NELL2: variants seen among roughly 807,000 people sequenced by gnomAD.
NELL2 encodes neural EGFL like 2, also known as protein kinase C-binding protein NELL2.
Under a neutral mutation model 109.6 loss-of-function variants are expected in NELL2, and 41 were observed. The ratio of observed to expected loss-of-function variants is 0.37; its 90% CI spans 0.29 to 0.49. NELL2 has a LOEUF of 0.49. Ranked by LOEUF, NELL2 falls within the 20% of genes least tolerant of loss-of-function variation. NELL2 has a pLI of 0.98. For missense variants in NELL2, 900 were observed against 1,008.3 expected, an observed-to-expected ratio of 0.89 and a Z score of 1.45; for synonymous variants, 355 against 344.7, an observed-to-expected ratio of 1.03 and a Z score of -0.33.
intron 15 of NELL2, among the ~76,000 whole-genome samples, chr12:44,583,678 G>T (rs1271219713): frequency 1.3e-5 from 2 of 152,134 alleles, no homozygotes; most frequent in Non-Finnish European, 2.9e-5. Flanking sequence ...GGAAACATAC[G>T]AAATGAACAC....
chr12:44,772,629 T>G (rs1331409620), intron 9 of NELL2, among the ~76,000 whole-genome samples: 1 of 152,212 alleles, frequency 6.6e-6, no homozygotes, highest in Non-Finnish European at 1.5e-5. Flanking sequence ...TCATTAAAAC[T>G]AAAATTTCAA....
intron 15 of NELL2, among the ~76,000 whole-genome samples, chr12:44,548,322 G>A (rs1190558741): frequency 6.6e-6 from 1 of 152,022 alleles, no homozygotes; most frequent in Non-Finnish European, 1.5e-5. Context: ...TTGGCCCACA[G>A]TGACTAGTAT....
intron 9 of NELL2, among the ~76,000 whole-genome samples, chr12:44,721,861 T>C (rs1409423975): frequency 6.6e-6 from 1 of 152,040 alleles, no homozygotes; most frequent in Non-Finnish European, 1.5e-5. Flanking sequence ...TGCAGCTCTA[T>C]TAGGAGGAAA....
At chr12:44,717,698 T>A (rs1335578561) in intron 9 of NELL2, among the ~76,000 whole-genome samples, 1 of 152,140 alleles carries the variant, frequency 6.6e-6, no homozygotes, top group Non-Finnish European at 1.5e-5. Context: ...GCCAGAATTA[T>A]GGAGGAGAGG....
At chr12:44,586,815 G>A (rs373123412) in intron 15 of NELL2, among the ~76,000 whole-genome samples, 1 of 152,174 alleles carries the variant, frequency 6.6e-6, no homozygotes, top group South Asian at 2.1e-4. Flanking sequence ...CTCTACAAGG[G>A]CAACGATGTT....
chr12:44,791,070 T>TATATATAA, intron 3 of NELL2, among the ~76,000 whole-genome samples: 1 of 10,408 alleles, frequency 9.6e-5, no homozygotes, highest in East Asian at 0.015. Context: ...TTCAAGTATA[T>TATATATAA]ATATATATAT....
At chr12:44,732,237 G>A (rs759006074) in intron 9 of NELL2, among the ~76,000 whole-genome samples, 1 of 151,926 alleles carries the variant, frequency 6.6e-6, no homozygotes, top group Non-Finnish European at 1.5e-5. Flanking sequence ...TTCATATGGA[G>A]CCATAAAGGA....
chr12:44,812,882 A>G (rs1367409870), intron 3 of NELL2, among the ~76,000 whole-genome samples: 3 of 152,198 alleles, frequency 2.0e-5, no homozygotes, highest in Admixed American at 2.0e-4. Context: ...GATAGCACAG[A>G]GGTTCAGCAG....
At chr12:44,591,184 A>G (rs1944735017) in intron 15 of NELL2, among the ~76,000 whole-genome samples, 1 of 152,206 alleles carries the variant, frequency 6.6e-6, no homozygotes, top group Non-Finnish European at 1.5e-5. Context: ...TTGGGAATAT[A>G]AATTAGTACA....
intron 9 of NELL2, among the ~76,000 whole-genome samples, chr12:44,723,138 G>A (rs1489577147): frequency 6.6e-6 from 1 of 151,482 alleles, no homozygotes; most frequent in African/African-American, 2.4e-5. Flanking sequence ...GCAGTGAGCC[G>A]AGATCGCACC....
intron 13 of NELL2, among the ~76,000 whole-genome samples, chr12:44,643,499 G>A (rs1946936161): frequency 6.6e-6 from 1 of 151,622 alleles, no homozygotes; most frequent in Admixed American, 6.6e-5. Context: ...CCTTCCAAAG[G>A]GAAAAAAAAG....
intron 16 of NELL2, among the ~76,000 whole-genome samples, chr12:44,525,120 G>A (rs1941708576): frequency 6.6e-6 from 1 of 152,094 alleles, no homozygotes; most frequent in African/African-American, 2.4e-5. Flanking sequence ...GCCTTTTTAT[G>A]GTCTACTATA....
At chr12:44,778,623 C>T (rs1941839253) in intron 5 of NELL2, among the ~76,000 whole-genome samples, 1 of 152,098 alleles carries the variant, frequency 6.6e-6, no homozygotes, top group South Asian at 2.1e-4. Flanking sequence ...ATCTGCTATC[C>T]CTTACCTGGG....
intron 2 of NELL2, among the ~76,000 whole-genome samples, chr12:44,838,626 C>T (rs1478105638): frequency 6.6e-6 from 1 of 150,876 alleles, no homozygotes; most frequent in Non-Finnish European, 1.5e-5. Flanking sequence ...GCTGGATTAA[C>T]ATATCTCTCA....
At chr12:44,531,551 A>T (rs1942057899) in intron 16 of NELL2, among the ~76,000 whole-genome samples, 1 of 148,292 alleles carries the variant, frequency 6.7e-6, no homozygotes. Context: ...AATCCTGATG[A>T]AAACTCTGCT....
intron 1 of NELL2, chr12:44,875,590 T>C: frequency 6.2e-7 from 1 of 1,611,204 alleles, no homozygotes; most frequent in African/African-American, 1.4e-5. Flanking sequence ...TCTGCAAAGT[T>C]CCCCCTCAGC....
chr12:44,747,363 T>C (rs1026005387), intron 9 of NELL2, among the ~76,000 whole-genome samples: 3 of 152,022 alleles, frequency 2.0e-5, no homozygotes, highest in African/African-American at 4.8e-5. Flanking sequence ...GACGAGTTAA[T>C]GGGTGCAGCA....
intron 15 of NELL2, among the ~76,000 whole-genome samples, chr12:44,579,939 GAAACTGTTA>G (rs1163144462): frequency 1.3e-5 from 2 of 152,170 alleles, no homozygotes; most frequent in Non-Finnish European, 2.9e-5. Context: ...GTAGCTCTAT[GAAACTGTTA>G]AACCATATTC....
At chr12:44,575,864 A>G (rs1944056699) in intron 15 of NELL2, among the ~76,000 whole-genome samples, 3 of 152,296 alleles carry the variant, frequency 2.0e-5, no homozygotes, top group Admixed American at 2.0e-4. Context: ...GAGTAACTCA[A>G]ATCTGACCAT....
Sources: allele counts gnomAD v4.1 joint callset (sites outside exome capture counted in the v4.1 genomes callset), GRCh38; gene constraint gnomAD v4.1.1; transcripts MANE v1.5; gene names NCBI Gene and HGNC (gene_info 2026-07-23, HGNC 2026-07-21).